Variants in CROCC2 observed in about 807,000 individuals in gnomAD.
CROCC2 encodes the protein ciliary rootlet coiled-coil, rootletin family member 2.
In CROCC2, 163 loss-of-function variants were observed where a neutral mutation model predicts 177.6. The ratio of observed to expected loss-of-function variants is 0.92; its 90% CI spans 0.81 to 1.05. The LOEUF is 1.05. Among genes scored for constraint, CROCC2 ranks in the 50% least tolerant of loss-of-function variants. CROCC2 has a pLI of 0.00. For missense variants in CROCC2, 1,929 were observed against 1,797.8 expected (o/e 1.07, Z -1.32); for synonymous variants, 904 against 787.3 (o/e 1.15, Z -2.48).
At chr2:240,947,306 C>T (rs969309087) in intron 15 of CROCC2, among the ~76,000 whole-genome samples, 8 of 152,180 alleles carry the variant, frequency 5.3e-5, no homozygotes, top group South Asian at 2.1e-4. Context: ...CTCCAAGGAC[C>T]GGGGTGGAGG....
At chr2:240,921,635 C>T (rs1395860683) in intron 3 of CROCC2, among the ~76,000 whole-genome samples, 1 of 152,234 alleles carries the variant, frequency 6.6e-6, no homozygotes, top group Admixed American at 6.5e-5. Context: ...CTGGGTCTAA[C>T]TCCAAGTTAC....
intron 14 of CROCC2, among the ~76,000 whole-genome samples, chr2:240,945,511 C>G (rs1343995138): frequency 2.6e-5 from 4 of 152,154 alleles, no homozygotes; most frequent in Admixed American, 2.6e-4. Flanking sequence ...AATTTTTCAG[C>G]CCAAACTCTT....
At chr2:240,916,740 G>C (rs2059324062) in intron 1 of CROCC2, among the ~76,000 whole-genome samples, 1 of 152,350 alleles carries the variant, frequency 6.6e-6, no homozygotes, top group East Asian at 1.9e-4. Flanking sequence ...GCCGATGCCC[G>C]GGGGAGCGCA....
rs774594289 is a variant in CROCC2 at position 240,932,848 on chromosome 2, C to A, written c.1191C>A (p.Thr397=). Residue 397 remains threonine (T), a synonymous_variant, in exon 9 of 32, where the codon ACC becomes ACA. Coordinates refer to ENST00000690015, the MANE Select transcript of CROCC2 (RefSeq NM_001351305.2). ...CACCACACATCTGCTCCCCAGCCACCCTGGACCCCGCACTGCAGGCCATGC... is the reference window on the plus strand; with the variant it reads ...CACCACACATCTGCTCCCCAGCCACACTGGACCCCGCACTGCAGGCCATGC... The part of the protein sequence containing the change: ...ASPPHICSPA[T]LDPALQAMRA... 58 of 1,545,590 alleles carry A rather than the reference C, an allele frequency of 3.8e-5. No individual in the cohort carries two copies. The South Asian group carries it at 5.8e-4, about 15-fold the overall frequency.
Position 240,906,445 on chromosome 2 carries a change from G to A in CROCC2, c.-69G>A, listed in dbSNP as rs1271635619. The A allele has an allele frequency of 3.0e-5, 12 of 398,822 alleles. No homozygotes were observed. Among genetic ancestry groups the A allele is most frequent in the Non-Finnish European group, 5.3e-5 (12 of 226,040 alleles). 24.7% of individuals were successfully genotyped at this position (398,822 alleles called of 1,614,324 possible). A position where few individuals can be genotyped will look rare whatever the true frequency, so the allele number is the denominator to read the frequency against. ...GGGCCCGTGGACCAAGGAAGACCCT[G>A]GCCAGTTGGAGGAGAACTGCCAGGT... is the stretch of plus-strand genomic sequence containing the variant. On this transcript the variant is annotated 5_prime_UTR_variant, in exon 1 of 32. Transcript: ENST00000690015.
rs1316766881 is a variant in CROCC2, at chr2:240,918,537, A to G, written c.79-189A>G. Among the ~76,000 whole-genome samples the G allele has an allele frequency of 6.6e-6, 1 of 152,186 alleles. No individual in the cohort carries two copies. The highest frequency in any genetic ancestry group is 1.5e-5 in the Non-Finnish European group (1 of 68,032). On this transcript the variant is annotated intron_variant, in intron 1 of 31. Transcript: ENST00000690015. This position sits in a 1 kb window ranked among gnomAD's most constrained non-coding sequence, Gnocchi z 6.3. ...CTCTCCAGAACCTGGGGACAGGCGCAGCCCCACTCCGCAGGTGCAGAACCA... is the reference window on the plus strand; with the variant it reads ...CTCTCCAGAACCTGGGGACAGGCGCGGCCCCACTCCGCAGGTGCAGAACCA...
At chr2:240,912,184 A>G (rs886576735) in intron 1 of CROCC2, among the ~76,000 whole-genome samples, 6 of 152,054 alleles carry the variant, frequency 3.9e-5, no homozygotes, top group Non-Finnish European at 8.8e-5. Flanking sequence ...ACCACTTTTA[A>G]CACCAAATGT....
chr2:240,969,618 G>A (rs1036234840), intron 27 of CROCC2, among the ~76,000 whole-genome samples: 4 of 152,178 alleles, frequency 2.6e-5, no homozygotes, highest in African/African-American at 7.2e-5. Flanking sequence ...GACCTGGAGC[G>A]GGCTGAGTTG....
intron 25 of CROCC2, 83 bp from the exon 26 acceptor site, chr2:240,967,262 G>A: frequency 1.8e-6 from 1 of 546,228 alleles, no homozygotes; most frequent in Non-Finnish European, 3.4e-6. Context: ...AGCGGCCCCA[G>A]CTGGCCCCGA....
intron 25 of CROCC2, among the ~76,000 whole-genome samples, chr2:240,966,750 A>G (rs1014019316): frequency 2.6e-5 from 4 of 151,940 alleles, no homozygotes; most frequent in African/African-American, 9.7e-5. Flanking sequence ...AGCTCCCCTC[A>G]ATGCTCCCAA....
chr2:240,950,345 C>T lies in CROCC2; in HGVS notation c.2664C>T (p.Ser888=), dbSNP rs2106470066. ...TTACCTTGGCCCAGGAGACCCTGAG[C>T]CTGACCCTGGCAGAGGAGAAGGAGG... The part of the protein sequence containing the change: ...AQLQREKETL[S]LTLAEEKEVA... Residue 888 remains serine, a synonymous_variant, in exon 18 of 32, where the codon AGC becomes AGT. Transcript: ENST00000690015. The T allele has an allele frequency of 6.5e-7, 1 of 1,549,766 alleles. No homozygotes were observed. The highest frequency in any genetic ancestry group is 2.4e-5 in the East Asian group (1 of 40,912).
At chr2:240,985,955 C>T (rs554472962) in intron 28 of CROCC2, 126 of 456,596 alleles carry the variant, frequency 2.8e-4, no homozygotes, top group African/African-American at 2.2e-3. Context: ...GGCCTCACAC[C>T]GATCCCTCTT....
chr2:240,974,954 T>C (rs1220230433), intron 27 of CROCC2, among the ~76,000 whole-genome samples: 2 of 152,196 alleles, frequency 1.3e-5, no homozygotes, highest in Non-Finnish European at 2.9e-5. Flanking sequence ...GGAGAGGCTG[T>C]GGCTTTGGGC....
Position 240,975,583 on chromosome 2 carries a change from G to T in CROCC2, c.4402-7297G>T, listed in dbSNP as rs1262999038. ...CTGTCCTTCTCTGTGCAGCCGGCAGGACGCTTAACGAGGCCTTTGTCCCTT... is the reference window on the plus strand; with the variant it reads ...CTGTCCTTCTCTGTGCAGCCGGCAGTACGCTTAACGAGGCCTTTGTCCCTT... On this transcript the variant is annotated intron_variant, in intron 27 of 31. Coordinates refer to ENST00000690015, the MANE Select transcript of CROCC2 (RefSeq NM_001351305.2). 2.6e-5 allele frequency among the ~76,000 whole-genome samples: 4 copies of T among 152,202 alleles called. No homozygotes were observed. The East Asian group carries it at 7.7e-4, about 29-fold the overall frequency.
chr2:240,956,615 C>CT (rs1275360685), intron 19 of CROCC2, among the ~76,000 whole-genome samples: 5 of 152,214 alleles, frequency 3.3e-5, no homozygotes, highest in Non-Finnish European at 7.3e-5. Context: ...GGGTCCTCCC[C>CT]TGGAGCCCAA....
At chr2:240,911,157 A>C (rs1343160719) in intron 1 of CROCC2, among the ~76,000 whole-genome samples, 1 of 152,160 alleles carries the variant, frequency 6.6e-6, no homozygotes, top group African/African-American at 2.4e-5. Context: ...ATTTTTAAAA[A>C]AATTTTTCAT....
rs2059337170 is a variant in CROCC2 at position 240,918,891 on chromosome 2, G to T, written c.229+15G>T. On this transcript the variant is annotated intron_variant, in intron 2 of 31. Transcript: ENST00000690015. The surrounding 1 kb of genome is among the most constrained non-coding windows in gnomAD (Gnocchi z 6.3). ...GCCACCCCAAGGTGATGGTGTGGGGGACAGTCCTGGGCCCGGGGCTGGCCA... is the reference window on the plus strand; with the variant it reads ...GCCACCCCAAGGTGATGGTGTGGGGTACAGTCCTGGGCCCGGGGCTGGCCA... 1.5e-6 allele frequency: 1 copy of T among 682,602 alleles called. No individual in the cohort carries two copies. Among genetic ancestry groups the T allele is most frequent in the Non-Finnish European group, 2.7e-6 (1 of 369,546 alleles). The allele number at this position is 682,602 out of a possible 1,614,324, so 42.3% of individuals were successfully genotyped here.
In CROCC2 at chr2:240,965,921, C is replaced by T; in HGVS notation, c.3889C>T (p.Leu1297Phe). The change falls in exon 24 of 32, where the codon CTC becomes TTC. Residue 1297 changes from leucine to phenylalanine, a missense_variant. By Grantham distance (22) the Leu-to-Phe change is conservative. Transcript: ENST00000690015. ...CCAGCTGGGCCGGCTGTGCTCCACG[C>T]TCCGCCGTGGCCTGGGGCTCCAGAG... is the stretch of plus-strand genomic sequence containing the variant. ...EAQLGRLCSTLRRGLGLQRQS... is the reference protein window; with the variant it reads ...EAQLGRLCSTFRRGLGLQRQS... 1 of 1,421,812 alleles carries T rather than the reference C, an allele frequency of 7.0e-7. No individual in the cohort carries two copies. The highest frequency in any genetic ancestry group is 1.6e-5 in the South Asian group (1 of 63,104). The allele number at this position is 1,421,812 out of a possible 1,614,324, so 88.1% of individuals were successfully genotyped here. A position where few individuals can be genotyped will look rare whatever the true frequency, so the allele number is the denominator to read the frequency against.
chr2:240,967,598 C>T (rs2059691823), intron 26 of CROCC2, 133 bp downstream of exon 26: 8 of 1,482,450 alleles, frequency 5.4e-6, no homozygotes, highest in Non-Finnish European at 7.2e-6. Context: ...GGGGGCAACA[C>T]CCAAACCACC....
Sources: allele counts gnomAD v4.1 joint callset (sites outside exome capture counted in the v4.1 genomes callset), GRCh38; gene constraint gnomAD v4.1.1; non-coding constraint Gnocchi (gnomAD v3.1); transcripts MANE v1.5; gene names NCBI Gene and HGNC (gene_info 2026-07-23, HGNC 2026-07-21).